RGS7: variants seen among roughly 807,000 people sequenced by gnomAD.
RGS7 encodes regulator of G protein signaling 7, also known as regulator of G-protein signaling 7.
A neutral mutation model predicts 81.1 loss-of-function variants in RGS7; 27 were observed. The observed-to-expected ratio is 0.33, with a 90% confidence interval of 0.25 to 0.46. The LOEUF is 0.46. RGS7 is among the 20% of genes least tolerant of loss of function. The probability of loss-of-function intolerance (pLI) is 1.00; values close to 1 mark genes in which losing one functional copy is unlikely to be tolerated. For synonymous variants in RGS7, 208 were observed against 207.7 expected (o/e 1.00, Z -0.01); for missense variants, 396 against 607.4 (o/e 0.65, Z 3.66).
At chr1:241,011,623 A>T (rs539713035) in intron 3 of RGS7, among the ~76,000 whole-genome samples, 1 of 152,306 alleles carries the variant, frequency 6.6e-6, no homozygotes, top group African/African-American at 2.4e-5. Context: ...GTGTTCTCAC[A>T]AAGTTAGGTA....
intron 2 of RGS7, among the ~76,000 whole-genome samples, chr1:241,298,961 G>A (rs189345475): frequency 1.5e-4 from 23 of 152,232 alleles, no homozygotes; most frequent in Admixed American, 1.2e-3. Context: ...ATTGAGCTGC[G>A]CGTGCTATGT....
chr1:240,790,654 T>C (rs1044425414), intron 18 of RGS7, among the ~76,000 whole-genome samples: 10 of 152,148 alleles, frequency 6.6e-5, no homozygotes, highest in South Asian at 6.2e-4. Flanking sequence ...TTCTAAGAGA[T>C]GGAATGGTCT....
At chr1:241,284,746 T>C (rs2078702284) in intron 2 of RGS7, among the ~76,000 whole-genome samples, 1 of 152,236 alleles carries the variant, frequency 6.6e-6, no homozygotes, top group Non-Finnish European at 1.5e-5. Flanking sequence ...AAGGTAGAAG[T>C]CTAGCCTCCC....
intron 2 of RGS7, among the ~76,000 whole-genome samples, chr1:241,217,640 T>G (rs1223578563): frequency 6.6e-6 from 1 of 152,170 alleles, no homozygotes; most frequent in Non-Finnish European, 1.5e-5. Flanking sequence ...TCCTTTTACC[T>G]TTTCAAGTGG....
At chr1:241,205,183 T>C (rs536721062) in intron 2 of RGS7, among the ~76,000 whole-genome samples, 2 of 151,326 alleles carry the variant, frequency 1.3e-5, no homozygotes, top group African/African-American at 4.9e-5. Flanking sequence ...TTCAAGCGAT[T>C]CTCCTGCCTC....
chr1:241,256,637 G>A (rs118114957), intron 2 of RGS7, among the ~76,000 whole-genome samples: 2 of 152,152 alleles, frequency 1.3e-5, no homozygotes, highest in East Asian at 3.9e-4. Context: ...GTGTGGTGAG[G>A]GGCCCCTTCC....
At chr1:241,021,271 G>T (rs896411431) in intron 3 of RGS7, among the ~76,000 whole-genome samples, 1 of 152,062 alleles carries the variant, frequency 6.6e-6, no homozygotes, top group African/African-American at 2.4e-5. Context: ...CTTATTCAGT[G>T]CATATGCAAG....
At chr1:241,222,283 T>C (rs1361995678) in intron 2 of RGS7, among the ~76,000 whole-genome samples, 1 of 152,180 alleles carries the variant, frequency 6.6e-6, no homozygotes, top group Non-Finnish European at 1.5e-5. Context: ...CAAACTCAGC[T>C]GTGCATAAAA....
intron 4 of RGS7, among the ~76,000 whole-genome samples, chr1:240,942,246 T>C (rs1049800481): frequency 4.6e-5 from 7 of 152,176 alleles, no homozygotes; most frequent in Non-Finnish European, 1.0e-4. Context: ...AAAACCACAG[T>C]ATAAAAGAGG....
chr1:241,289,742 C>T (rs1222592652), intron 2 of RGS7, among the ~76,000 whole-genome samples: 2 of 152,162 alleles, frequency 1.3e-5, no homozygotes, highest in Non-Finnish European at 2.9e-5. Flanking sequence ...CTCTTGGGCA[C>T]ATGAGAGGTC....
At chr1:240,796,814 G>C (rs1687145068) in intron 18 of RGS7, among the ~76,000 whole-genome samples, 1 of 152,166 alleles carries the variant, frequency 6.6e-6, no homozygotes, top group African/African-American at 2.4e-5. Context: ...AGTCCCCAGA[G>C]CACAGTTAGG....
intron 2 of RGS7, among the ~76,000 whole-genome samples, chr1:241,238,966 C>CTCTCTTTT (rs397786851): frequency 1.9e-5 from 2 of 106,620 alleles, no homozygotes; most frequent in Non-Finnish European, 3.6e-5. Flanking sequence ...GCCTCTCTCT[C>CTCTCTTTT]TTTTTTTTTT....
intron 18 of RGS7, among the ~76,000 whole-genome samples, chr1:240,799,427 A>C (rs1687663371): frequency 6.6e-6 from 1 of 151,664 alleles, no homozygotes; most frequent in Non-Finnish European, 1.5e-5. Flanking sequence ...AATTCAGTTA[A>C]ATGTAACTTC....
intron 2 of RGS7, among the ~76,000 whole-genome samples, chr1:241,132,738 A>ATTGT (rs1553265441): frequency 1.8e-4 from 26 of 142,664 alleles, no homozygotes; most frequent in African/African-American, 5.8e-4. Context: ...AATTCAACTT[A>ATTGT]TTATTTGTTT....
At chr1:241,095,675 A>C (rs1017727544) in intron 3 of RGS7, among the ~76,000 whole-genome samples, 1 of 152,122 alleles carries the variant, frequency 6.6e-6, no homozygotes, top group Non-Finnish European at 1.5e-5. Context: ...GAAACAAATA[A>C]TGTATGGTGA....
At chr1:241,057,214 A>T (rs1252237004) in intron 3 of RGS7, among the ~76,000 whole-genome samples, 1 of 152,172 alleles carries the variant, frequency 6.6e-6, no homozygotes, top group African/African-American at 2.4e-5. Flanking sequence ...CAGACAGAAC[A>T]TTGGTAAGAA....
intron 2 of RGS7, among the ~76,000 whole-genome samples, chr1:241,188,395 G>A (rs532498740): frequency 6.6e-6 from 1 of 151,878 alleles, no homozygotes; most frequent in Non-Finnish European, 1.5e-5. Context: ...TTTTTAAATA[G>A]TTGAGTGGGT....
chr1:241,262,041 A>G (rs893485671), intron 2 of RGS7, among the ~76,000 whole-genome samples: 1 of 152,168 alleles, frequency 6.6e-6, no homozygotes, highest in African/African-American at 2.4e-5. Context: ...TGAAATTTTT[A>G]TCAACAGGAA....
At chr1:240,776,306 T>C in intron 18 of RGS7, 93 bp from the exon 19 acceptor site, 2 of 962,336 alleles carry the variant, frequency 2.1e-6, no homozygotes, top group Non-Finnish European at 3.4e-6. Flanking sequence ...CTGTAGCTGA[T>C]TTTTGTGCAA....
Sources: allele counts gnomAD v4.1 joint callset (sites outside exome capture counted in the v4.1 genomes callset), GRCh38; gene constraint gnomAD v4.1.1; transcripts MANE v1.5; gene names NCBI Gene and HGNC (gene_info 2026-07-23, HGNC 2026-07-21).